GLI2: variants seen among roughly 807,000 people sequenced by gnomAD.
GLI2 encodes GLI family zinc finger 2, also known as transcription activator GLI2.
Under a neutral mutation model 78.9 loss-of-function variants are expected in GLI2, and 22 were observed. The observed-to-expected ratio is 0.28, with a 90% CI of 0.20 to 0.40. GLI2 has a LOEUF of 0.40. Among genes scored for constraint, GLI2 ranks in the 10% least tolerant of loss-of-function variants. GLI2 has a pLI of 1.00. For missense variants in GLI2, 2,097 were observed against 2,213.2 expected, an observed-to-expected ratio of 0.95 and a Z score of 1.05; for synonymous variants, 974 against 963.7, an observed-to-expected ratio of 1.01 and a Z score of -0.20.
At chr2:120,891,455 G>C (rs2104749917) in intron 2 of GLI2, among the ~76,000 whole-genome samples, 1 of 152,312 alleles carries the variant, frequency 6.6e-6, no homozygotes, top group East Asian at 1.9e-4. Flanking sequence ...TCGTAATGTG[G>C]ATCAAACCAG....
intron 2 of GLI2, among the ~76,000 whole-genome samples, chr2:120,896,881 G>C (rs1261098440): frequency 2.0e-5 from 3 of 152,180 alleles, no homozygotes; most frequent in Non-Finnish European, 4.4e-5. Flanking sequence ...CTCCAAAAAT[G>C]CATAGTGTGT....
intron 3 of GLI2, among the ~76,000 whole-genome samples, chr2:120,933,150 G>A (rs1376556378): frequency 6.6e-6 from 1 of 152,130 alleles, no homozygotes; most frequent in African/African-American, 2.4e-5. Context: ...AGCTGCACGT[G>A]GGGAAGGCAG....
rs139360762 is a variant in GLI2, at chr2:120,970,370, T to A, written c.846-23T>A. The A allele has an allele frequency of 6.8e-4, 950 of 1,389,372 alleles. 6 individuals are homozygous for A. In the African/African-American group the frequency reaches 0.012, roughly 18 times the overall value. The allele number at this position is 1,389,372 out of a possible 1,614,324, so 86.1% of individuals were successfully genotyped here. ...GAGCTCCCGATCCCCCACCCCCACT[T>A]CCTTGTCTGCTCTCTGTTGCAGCCC... On this transcript the variant is annotated intron_variant, in intron 6 of 13. Transcript: ENST00000361492.
At chr2:120,920,912 A>AC (rs1424406814) in intron 2 of GLI2, among the ~76,000 whole-genome samples, 3 of 151,132 alleles carry the variant, frequency 2.0e-5, no homozygotes, top group South Asian at 4.2e-4. Context: ...AAAAAAAAAA[A>AC]AAACACAAAA....
At chr2:120,953,680 T>C (rs934361294) in intron 4 of GLI2, among the ~76,000 whole-genome samples, 2 of 152,080 alleles carry the variant, frequency 1.3e-5, no homozygotes, top group Non-Finnish European at 2.9e-5. Flanking sequence ...TTCCACTGAT[T>C]GCAGTGTAGC....
At chr2:120,785,351 A>T (rs1328271268) in intron 1 of GLI2, among the ~76,000 whole-genome samples, 1 of 152,160 alleles carries the variant, frequency 6.6e-6, no homozygotes, top group East Asian at 1.9e-4. Context: ...CATTGCAAGG[A>T]AAAAGTGGTG....
At chr2:120,876,872 C>A (rs141562054) in intron 2 of GLI2, among the ~76,000 whole-genome samples, 1 of 152,236 alleles carries the variant, frequency 6.6e-6, no homozygotes, top group African/African-American at 2.4e-5. Context: ...CCTGTTTGCA[C>A]GGCCCTTTCC....
chr2:120,813,576 A>G (rs1259717883), intron 2 of GLI2, among the ~76,000 whole-genome samples: 2 of 152,202 alleles, frequency 1.3e-5, no homozygotes, highest in African/African-American at 4.8e-5. Flanking sequence ...GATGGGTGCT[A>G]CCACACTTGT....
intron 2 of GLI2, among the ~76,000 whole-genome samples, chr2:120,822,463 A>G (rs1000569446): frequency 3.9e-5 from 6 of 152,214 alleles, no homozygotes; most frequent in African/African-American, 1.4e-4. Context: ...ACTTGACACA[A>G]TTAATACCAA....
At chr2:120,853,420 T>A (rs1477915967) in intron 2 of GLI2, among the ~76,000 whole-genome samples, 1 of 152,168 alleles carries the variant, frequency 6.6e-6, no homozygotes, top group African/African-American at 2.4e-5. Context: ...CCATTGGTTC[T>A]GGGGAGAAGA....
intron 2 of GLI2, among the ~76,000 whole-genome samples, chr2:120,826,021 G>A (rs947178171): frequency 6.6e-6 from 1 of 152,208 alleles, no homozygotes; most frequent in Non-Finnish European, 1.5e-5. Context: ...TGCTGGGCAC[G>A]ATGGGAGGCT....
chr2:120,988,361 C>G lies in GLI2; in HGVS notation c.2396C>G (p.Ala799Gly). ...RDSSTSTVSS[A>G]YTVSRRSSGI... ...AGCTCCACCAGCACGGTCAGCTCGG[C>G]CTACACCGTGAGCCGCCGCTCCTCC... The change falls in exon 14 of 14, where the codon GCC (alanine) becomes GGC (glycine). Residue 799 changes from alanine (A) to glycine (G), a missense_variant. Around this residue, in one of 5 missense-constraint regions of GLI2, gnomAD observed 1,290 missense variants for 1,261.7 expected, o/e 1.02. Transcript: ENST00000361492. 6.4e-7 allele frequency: 1 copy of G among 1,572,874 alleles called. No individual in the cohort carries two copies. The highest frequency in any genetic ancestry group is 8.6e-7 in the Non-Finnish European group (1 of 1,168,540).
chr2:120,804,021 C>T (rs1005617154), intron 2 of GLI2, among the ~76,000 whole-genome samples: 1 of 152,174 alleles, frequency 6.6e-6, no homozygotes, highest in Non-Finnish European at 1.5e-5. Flanking sequence ...GTGCTACCTA[C>T]TCATACTGAC....
At chr2:120,886,413 G>A (rs943330093) in intron 2 of GLI2, among the ~76,000 whole-genome samples, 6 of 151,878 alleles carry the variant, frequency 4.0e-5, no homozygotes, top group Non-Finnish European at 7.4e-5. Context: ...CCACAGGCGC[G>A]CACCACCACA....
intron 9 of GLI2, among the ~76,000 whole-genome samples, chr2:120,975,670 G>T (rs748547476): frequency 7.2e-5 from 11 of 152,194 alleles, no homozygotes; most frequent in Non-Finnish European, 1.3e-4. Context: ...GACAGCTCAG[G>T]TGATTAGAGA....
Position 120,917,379 on chromosome 2 carries a change from A to G in GLI2, c.149-9982A>G, listed in dbSNP as rs572778009. 1.5e-3 allele frequency among the ~76,000 whole-genome samples: 222 copies of G among 152,176 alleles called. 1 individual carries two copies. Among genetic ancestry groups the G allele is most frequent in the African/African-American group, 4.9e-3 (203 of 41,524 alleles). ...GTGGTGCATCTGTTCTTGTTTGACA[A>G]CTCAGACCTGGCCCAGGGCCCCGAG... On this transcript the variant is annotated intron_variant, in intron 2 of 13. Transcript: ENST00000361492.
chr2:120,903,934 A>T (rs1259706997), intron 2 of GLI2, among the ~76,000 whole-genome samples: 1 of 152,126 alleles, frequency 6.6e-6, no homozygotes, highest in Non-Finnish European at 1.5e-5. Flanking sequence ...TCAGGGGTTC[A>T]TTGCTGCAGG....
chr2:120,928,351 C>T (rs1423793023), intron 3 of GLI2, among the ~76,000 whole-genome samples: 2 of 152,200 alleles, frequency 1.3e-5, no homozygotes, highest in African/African-American at 2.4e-5. Flanking sequence ...AATCTCCCCC[C>T]AACAGGCCAC....
intron 2 of GLI2, among the ~76,000 whole-genome samples, chr2:120,820,224 C>T (rs1250294136): frequency 6.6e-6 from 1 of 152,144 alleles, no homozygotes; most frequent in African/African-American, 2.4e-5. Flanking sequence ...GACAGTGGAG[C>T]GAAGGTGGGT....
Sources: gnomAD v4.1 joint callset for allele counts (sites outside exome capture counted in the v4.1 genomes callset) on GRCh38, gnomAD v4.1.1 for gene constraint, gnomAD v4.1.1 regional missense constraint, MANE v1.5 for transcripts, NCBI Gene and HGNC (gene_info 2026-07-23, HGNC 2026-07-21) for gene names.